The following DOCK3 variants were observed in gnomAD, a reference collection of about 807,000 sequenced individuals.
DOCK3 encodes the protein dedicator of cytokinesis 3.
In DOCK3, 60 loss-of-function variants were observed where a neutral mutation model predicts 265.6. The ratio of observed to expected loss-of-function variants is 0.23; its 90% CI spans 0.18 to 0.28. The LOEUF is 0.28. Among genes scored for constraint, DOCK3 ranks in the 10% least tolerant of loss-of-function variants. DOCK3 has a pLI of 1.00. For missense variants in DOCK3, 1,981 were observed against 2,594.3 expected (o/e 0.76, Z 5.14); for synonymous variants, 881 against 938.0 (o/e 0.94, Z 1.11).
chr3:50,685,092 T>A (rs2034688487), intron 1 of DOCK3, among the ~76,000 whole-genome samples: 1 of 152,180 alleles, frequency 6.6e-6, no homozygotes, highest in South Asian at 2.1e-4. Flanking sequence ...GCTTATATTG[T>A]CTTATAATCT....
At chr3:51,047,269 A>AGGGGG (rs147058987) in intron 5 of DOCK3, among the ~76,000 whole-genome samples, 1 of 124,528 alleles carries the variant, frequency 8.0e-6, no homozygotes, top group Admixed American at 8.5e-5. Context: ...AGGTTGGGGG[A>AGGGGG]GGGGGAGGGA....
At chr3:50,816,362 C>T (rs1444304385) in intron 2 of DOCK3, among the ~76,000 whole-genome samples, 1 of 148,172 alleles carries the variant, frequency 6.7e-6, no homozygotes, top group Non-Finnish European at 1.5e-5. Context: ...CACTCTGTCA[C>T]CCAGGCTGGC....
chr3:51,180,918 G>A (rs999283605), intron 12 of DOCK3, among the ~76,000 whole-genome samples: 4 of 152,148 alleles, frequency 2.6e-5, no homozygotes, highest in Admixed American at 2.6e-4. Context: ...TGCATAGGTC[G>A]TTCTAGATGC....
At chr3:50,919,377 TATCCA>T (rs1335219288) in intron 4 of DOCK3, among the ~76,000 whole-genome samples, 3 of 152,240 alleles carry the variant, frequency 2.0e-5, no homozygotes, top group Non-Finnish European at 4.4e-5. Flanking sequence ...TGATTCTTCC[TATCCA>T]TGAGCATGGA....
chr3:51,115,586 T>C (rs1428386785), intron 9 of DOCK3, among the ~76,000 whole-genome samples: 3 of 152,216 alleles, frequency 2.0e-5, no homozygotes, highest in African/African-American at 7.2e-5. Flanking sequence ...TTCCCCATTC[T>C]GTAGGTTGCC....
intron 19 of DOCK3, among the ~76,000 whole-genome samples, chr3:51,232,255 T>C (rs575340896): frequency 5.3e-5 from 8 of 152,280 alleles, no homozygotes; most frequent in African/African-American, 1.7e-4. Context: ...CTGTACCCAA[T>C]ATGTTGTCTT....
intron 3 of DOCK3, among the ~76,000 whole-genome samples, chr3:50,889,074 T>G (rs995718222): frequency 7.1e-6 from 1 of 140,928 alleles, no homozygotes; most frequent in African/African-American, 3.0e-5. Flanking sequence ...TGGGTGTGTG[T>G]GTGTGTGTGT....
intron 5 of DOCK3, among the ~76,000 whole-genome samples, chr3:51,042,256 C>A (rs1008190119): frequency 9.2e-5 from 14 of 152,152 alleles, no homozygotes; most frequent in African/African-American, 3.1e-4. Context: ...AGCTTCATCC[C>A]TGGGATACAA....
At chr3:50,879,878 G>A (rs1235275524) in intron 3 of DOCK3, among the ~76,000 whole-genome samples, 1 of 152,110 alleles carries the variant, frequency 6.6e-6, no homozygotes, top group Admixed American at 6.5e-5. Context: ...AACATAGTTG[G>A]AAGTAAAGCA....
chr3:50,974,499 A>G (rs1377169914), intron 5 of DOCK3, among the ~76,000 whole-genome samples: 1 of 151,746 alleles, frequency 6.6e-6, no homozygotes, highest in East Asian at 1.9e-4. Context: ...ATTGATCTAT[A>G]TCTCTGTTTT....
intron 27 of DOCK3, among the ~76,000 whole-genome samples, chr3:51,281,251 A>G (rs1287789490): frequency 4.1e-5 from 6 of 147,200 alleles, no homozygotes; most frequent in African/African-American, 1.3e-4. Flanking sequence ...ATACACTAAC[A>G]CTAACGATAG....
At chr3:50,734,132 C>T (rs896567978) in intron 1 of DOCK3, among the ~76,000 whole-genome samples, 1 of 152,196 alleles carries the variant, frequency 6.6e-6, no homozygotes, top group Non-Finnish European at 1.5e-5. Context: ...TCCACTGTCT[C>T]TCTGTCTACC....
intron 11 of DOCK3, 36 bp downstream of exon 11, chr3:51,159,340 T>C: frequency 6.3e-7 from 1 of 1,591,704 alleles, no homozygotes; most frequent in Non-Finnish European, 8.6e-7. Flanking sequence ...TGACTAAGAA[T>C]GGCCCAACTT....
chr3:51,088,504 G>A (rs1300850234), intron 7 of DOCK3, among the ~76,000 whole-genome samples: 1 of 152,170 alleles, frequency 6.6e-6, no homozygotes, highest in Non-Finnish European at 1.5e-5. Flanking sequence ...TTGTATGCAT[G>A]TATCAAAATA....
chr3:51,082,016 G>T (rs2082261346), intron 7 of DOCK3, among the ~76,000 whole-genome samples: 1 of 151,898 alleles, frequency 6.6e-6, no homozygotes, highest in African/African-American at 2.4e-5. Context: ...ATTGAATAGA[G>T]CATCTAAGAC....
intron 5 of DOCK3, among the ~76,000 whole-genome samples, chr3:51,017,625 C>G (rs2079406185): frequency 6.6e-6 from 1 of 151,726 alleles, no homozygotes; most frequent in African/African-American, 2.4e-5. Flanking sequence ...ACTTTTCATT[C>G]AGGAGCATAT....
chr3:51,015,248 G>A (rs997167845), intron 5 of DOCK3, among the ~76,000 whole-genome samples: 2 of 151,992 alleles, frequency 1.3e-5, no homozygotes, highest in Non-Finnish European at 2.9e-5. Context: ...TCCTCATTCA[G>A]TATGATACCA....
At chr3:51,087,507 C>CCA (rs891697925) in intron 7 of DOCK3, among the ~76,000 whole-genome samples, 2 of 152,140 alleles carry the variant, frequency 1.3e-5, no homozygotes, top group Admixed American at 1.3e-4. Flanking sequence ...CTGTATATGA[C>CCA]ACATCCACAG....
At chr3:50,906,244 T>C (rs1205218814) in intron 4 of DOCK3, among the ~76,000 whole-genome samples, 1 of 152,104 alleles carries the variant, frequency 6.6e-6, no homozygotes, top group Non-Finnish European at 1.5e-5. Context: ...TGTGTCTCTG[T>C]CAGGCTTTGG....
Sources: gnomAD v4.1 joint callset for allele counts (sites outside exome capture counted in the v4.1 genomes callset) on GRCh38, gnomAD v4.1.1 for gene constraint, MANE v1.5 for transcripts, NCBI Gene and HGNC (gene_info 2026-07-23, HGNC 2026-07-21) for gene names.